BAG1: variants seen among roughly 807,000 people sequenced by gnomAD.
BAG1 encodes the protein BAG cochaperone 1, also known as BAG family molecular chaperone regulator 1.
A neutral mutation model predicts 35.5 loss-of-function variants in BAG1; 35 were observed. The ratio of observed to expected loss-of-function variants is 0.99; its 90% CI spans 0.75 to 1.31. BAG1 has a LOEUF of 1.31. Among genes scored for constraint, BAG1 ranks in the 50% most tolerant of loss-of-function variants. The pLI is 0.00. For missense variants in BAG1, 464 were observed against 453.6 expected, an observed-to-expected ratio of 1.02 and a Z score of -0.21; for synonymous variants, 191 against 178.9, an observed-to-expected ratio of 1.07 and a Z score of -0.54.
In BAG1 at chr9:33,263,870, C is replaced by T. The variant is rs547033575; in HGVS notation, c.451+354G>A. On this transcript the variant is annotated intron_variant, in intron 1 of 6. Transcript: ENST00000634734. ...CACCCCGGCATGCACGAAGTTCTGACTTATCACACACGGAGCAGTCGTAGA... is the reference window on the plus strand; with the variant it reads ...CACCCCGGCATGCACGAAGTTCTGATTTATCACACACGGAGCAGTCGTAGA... 8.5e-5 allele frequency among the ~76,000 whole-genome samples: 13 copies of T among 152,182 alleles called. No individual in the cohort carries two copies. In the East Asian group the frequency reaches 2.5e-3, roughly 29 times the overall value.
Position 33,253,550 on chromosome 9 carries a change from G to A in BAG1, c.*1669C>T, listed in dbSNP as rs911949992. On this transcript the variant is annotated 3_prime_UTR_variant, in exon 7 of 7. Coordinates refer to ENST00000634734, the MANE Select transcript of BAG1 (RefSeq NM_004323.6). ...ACCACTCTGATTAAAGTTGGGGTGCGGTGGGCTGGGACCCGAGCCTTGTCC... is the reference window on the plus strand; with the variant it reads ...ACCACTCTGATTAAAGTTGGGGTGCAGTGGGCTGGGACCCGAGCCTTGTCC... 3 of 152,080 alleles carry A rather than the reference G, an allele frequency of 2.0e-5. No individual in the cohort carries two copies. The highest frequency in any genetic ancestry group is 2.1e-4 in the South Asian group (1 of 4,826). 9.4% of individuals were successfully genotyped at this position (152,080 alleles called of 1,614,324 possible). A position where few individuals can be genotyped will look rare whatever the true frequency, so the allele number is the denominator to read the frequency against.
rs1434494823 is a variant in BAG1, at chr9:33,254,683, A to G, written c.*536T>C. ...TGAGGACAAAGTCTAGAACCCAACA[A>G]CCCAGCCAGATGCTCTGGAATTAGG... On this transcript the variant is annotated 3_prime_UTR_variant, in exon 7 of 7. Transcript: ENST00000634734. 1 of 219,554 alleles carries G rather than the reference A, an allele frequency of 4.6e-6. No homozygotes were observed. The highest frequency in any genetic ancestry group is 9.2e-6 in the Non-Finnish European group (1 of 108,400). The allele number at this position is 219,554 out of a possible 1,614,324, so 13.6% of individuals were successfully genotyped here.
Position 33,256,908 on chromosome 9 carries a change from C to G in BAG1, c.778G>C (p.Gly260Arg). ...GCTTGCAAATCCTTGGGCAGAAAAC[C>G]CTGCGGGGAAATAATGCATTATTGC... The change falls in exon 5 of 7, where the codon GGT becomes CGT. Residue 260 changes from glycine (G) to arginine (R), a missense_variant and splice_region_variant. By Grantham distance (125) the Gly-to-Arg change is moderately radical. Coordinates refer to ENST00000634734, the MANE Select transcript of BAG1 (RefSeq NM_004323.6). 4 of 1,613,394 alleles carry G rather than the reference C, an allele frequency of 2.5e-6. No individual in the cohort carries two copies. In the South Asian group the frequency reaches 4.4e-5, roughly 18 times the overall value.
chr9:33,257,913 C>T (rs913395788), intron 4 of BAG1: 3 of 152,118 alleles, frequency 2.0e-5, no homozygotes, highest in Non-Finnish European at 4.4e-5. Flanking sequence ...GTTGGTGCCC[C>T]ATGGGTAATT....
At chr9:33,259,810 G>A (rs1048811714) in intron 3 of BAG1, 5 of 152,166 alleles carry the variant, frequency 3.3e-5, no homozygotes, top group African/African-American at 7.2e-5. Flanking sequence ...GGTTAACAAC[G>A]ATGAATACTT....
chr9:33,258,044 A>C (rs1249139830), intron 4 of BAG1: 1 of 152,166 alleles, frequency 6.6e-6, no homozygotes, highest in African/African-American at 2.4e-5. Flanking sequence ...TAATCCCAGC[A>C]CTTTGGGAGG....
rs1587784454 is a variant in BAG1, at chr9:33,253,802, A to G, written c.*1417T>C. 1 of 148,116 alleles carries G rather than the reference A, an allele frequency of 6.8e-6. No homozygotes were observed. The highest frequency in any genetic ancestry group is 2.5e-5 in the African/African-American group (1 of 40,462). 9.2% of individuals were successfully genotyped at this position (148,116 alleles called of 1,614,324 possible). On this transcript the variant is annotated 3_prime_UTR_variant, in exon 7 of 7. Coordinates refer to ENST00000634734, the MANE Select transcript of BAG1 (RefSeq NM_004323.6). Reference sequence around the variant, plus strand: ...AAGCAAACCACTCTTCTACTTTATGATGAGCACATAAACAGTTTTTTTTTC... The same window carrying G: ...AAGCAAACCACTCTTCTACTTTATGGTGAGCACATAAACAGTTTTTTTTTC...
Position 33,254,962 on chromosome 9 carries a change from G to A in BAG1, c.*257C>T. On this transcript the variant is annotated 3_prime_UTR_variant, in exon 7 of 7. Transcript: ENST00000634734. ...GAGGTCCAAACAGCTGGGAAAATTT[G>A]GGCAGAGGTGGCCCTCTCCAGAAAA... 1 of 1,369,356 alleles carries A rather than the reference G, an allele frequency of 7.3e-7. No individual in the cohort carries two copies. The highest frequency in any genetic ancestry group is 2.5e-5 in the Admixed American group (1 of 40,588). The allele number at this position is 1,369,356 out of a possible 1,614,324, so 84.8% of individuals were successfully genotyped here.
At chr9:33,255,758 G>T in intron 6 of BAG1, 107 bp downstream of exon 6, 2 of 1,224,804 alleles carry the variant, frequency 1.6e-6, no homozygotes, top group Non-Finnish European at 1.2e-6. Flanking sequence ...ACCAAAACAA[G>T]CCCATACCAC....
rs1364957026 is a variant in BAG1 at position 33,255,164 on chromosome 9, C to T, written c.*55G>A. 11 of 1,614,038 alleles carry T rather than the reference C, an allele frequency of 6.8e-6. No homozygotes were observed. The highest frequency in any genetic ancestry group is 4.0e-5 in the African/African-American group (3 of 74,944). ...AATCAGGTAAATTCCGCTCCAGAGA[C>T]GGCAGAGCTGGTGGCGCCATTCTTC... On this transcript the variant is annotated 3_prime_UTR_variant, in exon 7 of 7. Transcript: ENST00000634734.
In BAG1 at chr9:33,256,528, G is replaced by A. The variant is rs182148531; in HGVS notation, c.885+273C>T. The stretch of plus-strand genomic sequence containing the variant: ...GAGATCGTGGACTCCTTGGGTCCCA[G>A]CTTCATGACGATTACAGATGCTACT... On this transcript the variant is annotated intron_variant, in intron 5 of 6. Coordinates refer to ENST00000634734, the MANE Select transcript of BAG1 (RefSeq NM_004323.6). Among the ~76,000 whole-genome samples, 20 of 152,342 alleles carry A rather than the reference G, an allele frequency of 1.3e-4. No homozygotes were observed. The East Asian group carries it at 3.3e-3, about 25-fold the overall frequency.
At position 33,264,208 on chromosome 9, in the gene BAG1, G is replaced by A; in HGVS notation, c.451+16C>T. On this transcript the variant is annotated intron_variant, in intron 1 of 6. Coordinates refer to ENST00000634734, the MANE Select transcript of BAG1 (RefSeq NM_004323.6). ...TTCGGGACCTGCATGGAGCCCACCT[G>A]GCGCCCGACACTCACTGTGGGTGAC... 1 of 1,586,362 alleles carries A rather than the reference G, an allele frequency of 6.3e-7. No individual in the cohort carries two copies. The highest frequency in any genetic ancestry group is 8.6e-7 in the Non-Finnish European group (1 of 1,168,304).
chr9:33,262,924 G>A (rs1820609298), intron 1 of BAG1, 94 bp from the exon 2 acceptor site: 2 of 1,523,166 alleles, frequency 1.3e-6, no homozygotes, highest in Non-Finnish European at 1.8e-6. Context: ...CAGCCTTCAA[G>A]GCCCAGCTCA....
Position 33,262,726 on chromosome 9 carries a change from A to C in BAG1, c.556T>G (p.Ser186Ala). The stretch of plus-strand genomic sequence containing the variant: ...CCCTTAAATATGAGTTTCTGAAAAG[A>C]CTGTGGAACCCCTATGACCTCTTCA... Residue 186 changes from serine (S) to alanine (A), a missense_variant, in exon 2 of 7, where the codon TCT (serine) becomes GCT (alanine). By Grantham distance (99) the Ser-to-Ala change is moderately conservative. Coordinates refer to ENST00000634734, the MANE Select transcript of BAG1 (RefSeq NM_004323.6). 1 of 1,607,584 alleles carries C rather than the reference A, an allele frequency of 6.2e-7. No homozygotes were observed. The highest frequency in any genetic ancestry group is 8.5e-7 in the Non-Finnish European group (1 of 1,177,958).
intron 3 of BAG1, among the ~76,000 whole-genome samples, chr9:33,260,777 C>T (rs986328765): frequency 2.0e-5 from 3 of 152,194 alleles, no homozygotes; most frequent in Non-Finnish European, 4.4e-5. Context: ...AATTCTACTC[C>T]AAGTGAATGA....
intron 3 of BAG1, among the ~76,000 whole-genome samples, chr9:33,260,837 C>T (rs10971454): frequency 7.9e-5 from 12 of 152,172 alleles, no homozygotes; most frequent in Non-Finnish European, 1.3e-4. Context: ...ACCACCAAAA[C>T]AAAAAACATA....
In BAG1 at chr9:33,264,641, C is replaced by T; in HGVS notation, c.34G>A (p.Gly12Ser). 3 of 1,347,064 alleles carry T rather than the reference C, an allele frequency of 2.2e-6. No homozygotes were observed. Among genetic ancestry groups the T allele is most frequent in the Non-Finnish European group, 2.8e-6 (3 of 1,057,898 alleles). 83.4% of individuals were successfully genotyped at this position (1,347,064 alleles called of 1,614,324 possible). ...CGGGAACCCAGCCGCTCCCGGTCGC[C>T]TCGCGGTCTCCGCGCCCCCCCGCGC... Residue 12 changes from glycine to serine, a missense_variant, in exon 1 of 7, where the codon GGC (glycine) becomes AGC (serine). Transcript: ENST00000634734.
chr9:33,262,795 G>T lies in BAG1; in HGVS notation c.487C>A (p.Gln163Lys). ...TGGACAACTGGTTCACTGCTGCCCT[G>T]CTGGGAGGTAACATGAAGGTCGTGC... The change falls in exon 2 of 7, where the codon CAG becomes AAG. Residue 163 changes from glutamine (Q) to lysine (K), a missense_variant. Transcript: ENST00000634734. 1 of 1,614,054 alleles carries T rather than the reference G, an allele frequency of 6.2e-7. No individual in the cohort carries two copies.
intron 2 of BAG1, among the ~76,000 whole-genome samples, chr9:33,261,482 A>G (rs529605823): frequency 2.0e-5 from 3 of 152,314 alleles, no homozygotes; most frequent in East Asian, 1.9e-4. Flanking sequence ...AGTCTTCAGT[A>G]GGCATTAAGG....
Sources: allele counts gnomAD v4.1 joint callset (sites outside exome capture counted in the v4.1 genomes callset), GRCh38; gene constraint gnomAD v4.1.1; transcripts MANE v1.5; gene names NCBI Gene and HGNC (gene_info 2026-07-23, HGNC 2026-07-21).